CHRDL1: variants seen among roughly 807,000 people sequenced by gnomAD.
CHRDL1 encodes chordin-like protein 1.
CHRDL1 carries 19 observed loss-of-function variants against 40.9 expected under a neutral mutation model. That is an observed-to-expected ratio of 0.46 (90% CI 0.32 to 0.68). The LOEUF is 0.68. Ranked by LOEUF, CHRDL1 falls within the 30% of genes least tolerant of loss-of-function variation. The pLI, the probability that CHRDL1 is intolerant of heterozygous loss-of-function variation, is 0.03. For synonymous variants in CHRDL1, 136 were observed against 123.4 expected (o/e 1.10, Z -0.68); for missense variants, 329 against 352.1 (o/e 0.93, Z 0.53).
chrX:110,714,072 T>G (rs1288802198), intron 6 of CHRDL1, among the ~76,000 whole-genome samples: 1 of 110,803 alleles, frequency 9.0e-6, no homozygotes, highest in Admixed American at 9.6e-5. Context: ...TTATTTTAGG[T>G]TTGAGGATAC....
At chrX:110,754,170 C>T (rs1045990898) in intron 4 of CHRDL1, among the ~76,000 whole-genome samples, 1 of 112,123 alleles carries the variant, frequency 8.9e-6, no homozygotes, top group African/African-American at 3.2e-5. Context: ...ACTGTTGTCT[C>T]TATAACTTAG....
At chrX:110,781,112 T>TGA (rs1235905681) in intron 2 of CHRDL1, among the ~76,000 whole-genome samples, 3 of 111,374 alleles carry the variant, frequency 2.7e-5, no homozygotes, top group Admixed American at 9.6e-5. Flanking sequence ...ATTTAACTGA[T>TGA]GAGAGATGAT....
intron 7 of CHRDL1, among the ~76,000 whole-genome samples, chrX:110,696,028 CACT>C (rs1212930189): frequency 8.9e-6 from 1 of 111,812 alleles, no homozygotes. Context: ...CTGCCATAAT[CACT>C]CACATTCCAC....
intron 2 of CHRDL1, among the ~76,000 whole-genome samples, chrX:110,789,206 G>T (rs971113795): frequency 2.7e-5 from 3 of 111,708 alleles, no homozygotes; most frequent in Middle Eastern, 4.6e-3. Flanking sequence ...TAATCGAAAA[G>T]ATGCTGCAGA....
At chrX:110,733,260 C>T (rs1047753165) in intron 4 of CHRDL1, among the ~76,000 whole-genome samples, 1 of 111,357 alleles carries the variant, frequency 9.0e-6, no homozygotes, top group East Asian at 2.8e-4. Flanking sequence ...GTTCCATGTA[C>T]GGACCCACAC....
intron 2 of CHRDL1, among the ~76,000 whole-genome samples, chrX:110,784,282 T>C (rs1393087019): frequency 8.9e-6 from 1 of 112,100 alleles, no homozygotes; most frequent in African/African-American, 3.2e-5. Context: ...ATTTCCAGCC[T>C]GCAGACGCCA....
intron 11 of CHRDL1, among the ~76,000 whole-genome samples, chrX:110,677,994 C>T (rs1187682905): frequency 9.0e-6 from 1 of 111,490 alleles, no homozygotes; most frequent in Non-Finnish European, 1.9e-5. Context: ...CCTCCCGTCT[C>T]ATTGATTTAA....
chrX:110,693,113 T>C (rs1309659449), intron 8 of CHRDL1, among the ~76,000 whole-genome samples: 2 of 110,114 alleles, frequency 1.8e-5, no homozygotes, highest in African/African-American at 6.6e-5. Context: ...CAGTCAATTG[T>C]TTGATTGAGT....
At chrX:110,783,492 T>C (rs971425468) in intron 2 of CHRDL1, among the ~76,000 whole-genome samples, 6 of 112,519 alleles carry the variant, frequency 5.3e-5, no homozygotes, top group Admixed American at 9.4e-5. Flanking sequence ...ATTTTAAAAA[T>C]TGTTGACATT....
At chrX:110,683,962 C>T (rs2069953761) in intron 9 of CHRDL1, among the ~76,000 whole-genome samples, 1 of 112,196 alleles carries the variant, frequency 8.9e-6, no homozygotes, top group Non-Finnish European at 1.9e-5. Context: ...CCACTGGACT[C>T]TCTCCCCTGT....
chrX:110,676,465 A>G, intron 11 of CHRDL1, 104 bp from the exon 12 acceptor site: 2 of 732,478 alleles, frequency 2.7e-6, no homozygotes, highest in Non-Finnish European at 3.8e-6. Flanking sequence ...TTACTCATGG[A>G]CCTACCAGGG....
Position 110,676,276 on chromosome X carries a change from T to G in CHRDL1, c.1332A>C (p.Leu444Phe). The change falls in exon 12 of 12, where the codon TTA (leucine) becomes TTC (phenylalanine). Residue 444 changes from leucine (L) to phenylalanine (F), a missense_variant. Physicochemically the swap from Leu to Phe is conservative, Grantham distance 22. Coordinates refer to ENST00000372042, the MANE Select transcript of CHRDL1 (RefSeq NM_001143981.2). ...ATCTCTCCAGGTACAAAACCTTGAC[T>G]AAATCTTCAAGCTCTGTTCTGCATA... ...SRVCRTELED[L>F]VKVLYLERSE... The G allele has an allele frequency of 8.3e-7, 1 of 1,209,369 alleles. No homozygotes were observed. The highest frequency in any genetic ancestry group is 1.1e-6 in the Non-Finnish European group (1 of 893,418).
intron 6 of CHRDL1, among the ~76,000 whole-genome samples, chrX:110,717,338 G>A: frequency 8.9e-6 from 1 of 112,116 alleles, no homozygotes; most frequent in Non-Finnish European, 1.9e-5. Context: ...AAAGGTAAGA[G>A]AGCACAGGAA....
intron 1 of CHRDL1, among the ~76,000 whole-genome samples, chrX:110,793,234 C>T (rs937377599): frequency 8.9e-6 from 1 of 112,257 alleles, no homozygotes; most frequent in East Asian, 2.8e-4. Context: ...GAATGCAAAA[C>T]GATCATTTTG....
chrX:110,786,716 T>C (rs1297795523), intron 2 of CHRDL1, among the ~76,000 whole-genome samples: 6 of 112,389 alleles, frequency 5.3e-5, no homozygotes, highest in Admixed American at 9.4e-5. Context: ...ATAAGAAGCA[T>C]AGACATAGAC....
At chrX:110,690,588 T>C (rs1398007793) in intron 8 of CHRDL1, among the ~76,000 whole-genome samples, 1 of 110,716 alleles carries the variant, frequency 9.0e-6, no homozygotes, top group African/African-American at 3.3e-5. Flanking sequence ...AGCAAATCCA[T>C]TCAGAATGTC....
intron 4 of CHRDL1, among the ~76,000 whole-genome samples, chrX:110,733,706 G>A (rs1054210411): frequency 5.4e-5 from 6 of 110,326 alleles, no homozygotes; most frequent in Non-Finnish European, 1.1e-4. Flanking sequence ...TCAGGAGTTC[G>A]AGACCAGCCT....
At chrX:110,695,802 C>T (rs967063402) in intron 7 of CHRDL1, among the ~76,000 whole-genome samples, 4 of 111,894 alleles carry the variant, frequency 3.6e-5, no homozygotes, top group South Asian at 3.7e-4. Flanking sequence ...GAAGGGGCCA[C>T]TGGTAGGGGA....
chrX:110,679,244 C>T (rs999705053), intron 11 of CHRDL1, 92 bp downstream of exon 11: 29 of 619,717 alleles, frequency 4.7e-5, no homozygotes, highest in Non-Finnish European at 1.1e-5. Flanking sequence ...TGCTAATGTT[C>T]ACTGAGATTG....
Sources: allele counts gnomAD v4.1 joint callset (sites outside exome capture counted in the v4.1 genomes callset), GRCh38; gene constraint gnomAD v4.1.1; transcripts MANE v1.5; gene names NCBI Gene and HGNC (gene_info 2026-07-23, HGNC 2026-07-21).